Variants in PTDSS2 observed in about 807,000 individuals in gnomAD.
PTDSS2 encodes the protein phosphatidylserine synthase 2.
In PTDSS2, 41 loss-of-function variants were observed where a neutral mutation model predicts 64.7. The ratio of observed to expected loss-of-function variants is 0.63; its 90% CI spans 0.49 to 0.82. The LOEUF (loss-of-function observed/expected upper bound fraction) is 0.82, where lower values mean the gene tolerates loss of function less well. Among genes scored for constraint, PTDSS2 ranks in the 40% least tolerant of loss-of-function variants. The probability of loss-of-function intolerance (pLI) is 0.00; values close to 1 mark genes in which losing one functional copy is unlikely to be tolerated. For synonymous variants in PTDSS2, 297 were observed against 277.8 expected, an observed-to-expected ratio of 1.07 and a Z score of -0.69; for missense variants, 485 against 650.0, an observed-to-expected ratio of 0.75 and a Z score of 2.76.
At chr11:448,571 C>G (rs1846190591), upstream of PTDSS2, among the ~76,000 whole-genome samples, 2 of 152,186 alleles carry the variant, frequency 1.3e-5, no homozygotes, top group Admixed American at 6.5e-5. Context: ...TGGACGCGGC[C>G]AGGGCCTGGG....
At chr11:488,472 T>G in intron 7 of PTDSS2, 57 bp from the exon 8 acceptor site, 1 of 1,489,238 alleles carries the variant, frequency 6.7e-7, no homozygotes, top group Non-Finnish European at 9.4e-7. Context: ...TCCGGGGTCC[T>G]CCTCGGGGGG....
At chr11:468,837 G>A (rs1242182769) in intron 2 of PTDSS2, among the ~76,000 whole-genome samples, 3 of 148,960 alleles carry the variant, frequency 2.0e-5, no homozygotes, top group African/African-American at 5.0e-5. Context: ...GGTAATCGGA[G>A]GAGGGGAGTC....
intron 4 of PTDSS2, among the ~76,000 whole-genome samples, chr11:486,686 C>CA (rs1336033787): frequency 7.7e-4 from 114 of 148,548 alleles, no homozygotes; most frequent in Non-Finnish European, 1.3e-3. Flanking sequence ...ACTAAAAATA[C>CA]AAAAAAAAAA....
At chr11:475,160 C>T (rs970532881) in intron 3 of PTDSS2, among the ~76,000 whole-genome samples, 13 of 137,756 alleles carry the variant, frequency 9.4e-5, no homozygotes, top group Non-Finnish European at 1.3e-4. Context: ...GACATATTCA[C>T]GCGTTTGTGA....
intron 1 of PTDSS2, chr11:451,225 GC>G (rs913508696): frequency 8.0e-6 from 2 of 250,016 alleles, no homozygotes; most frequent in Non-Finnish European, 8.6e-6. Context: ...CGGGGCCAGC[GC>G]CTCCTCCCTG....
In PTDSS2 at chr11:489,716, C is replaced by T. The variant is rs11539815; in HGVS notation, c.1098C>T (p.Tyr366=). The T allele has an allele frequency of 2.1e-5, 33 of 1,608,606 alleles. No individual in the cohort carries two copies. Among genetic ancestry groups the T allele is most frequent in the African/African-American group, 2.7e-5 (2 of 74,830 alleles). ...NVGGVAMREI[Y]DFMDDPKPHK... is the part of the protein sequence containing the mutation. ...GTGGCGTGGCCATGCGTGAGATCTA[C>T]GACTTCATGGATGACCCGTGAGGGC... is the stretch of plus-strand genomic sequence containing the variant. The change falls in exon 10 of 12, where the codon TAC becomes TAT. Residue 366 remains tyrosine (Y), a synonymous_variant. Coordinates refer to ENST00000308020, the MANE Select transcript of PTDSS2 (RefSeq NM_030783.3).
At chr11:466,025 C>G (rs1287406476) in intron 2 of PTDSS2, among the ~76,000 whole-genome samples, 2 of 152,218 alleles carry the variant, frequency 1.3e-5, no homozygotes, top group East Asian at 3.9e-4. Flanking sequence ...TACAAAACAC[C>G]TATCTGATAA....
At position 461,627 on chromosome 11, in the gene PTDSS2, G is replaced by C. The variant is rs1846887356; in HGVS notation, c.284+1339G>C. On this transcript the variant is annotated intron_variant, in intron 2 of 11. Coordinates refer to ENST00000308020, the MANE Select transcript of PTDSS2 (RefSeq NM_030783.3). The surrounding 1 kb of genome is among the most constrained non-coding windows in gnomAD (Gnocchi z 4.2). ...TGTCATCCCTCTCCCAGTCAGCTTT[G>C]CTGGCCCTTCCCCCTTTTTCTGAGC... is the stretch of plus-strand genomic sequence containing the variant. Among the ~76,000 whole-genome samples, 1 of 152,122 alleles carries C rather than the reference G, an allele frequency of 6.6e-6. No individual in the cohort carries two copies. Among genetic ancestry groups the C allele is most frequent in the Admixed American group, 6.5e-5 (1 of 15,272 alleles).
At chr11:457,181 C>G (rs1846634822) in intron 1 of PTDSS2, among the ~76,000 whole-genome samples, 1 of 152,234 alleles carries the variant, frequency 6.6e-6, no homozygotes, top group Non-Finnish European at 1.5e-5. Context: ...TCCTGCAGCT[C>G]CACCCTGGCT....
chr11:456,508 G>A (rs561550295), intron 1 of PTDSS2, among the ~76,000 whole-genome samples: 19 of 152,032 alleles, frequency 1.2e-4, no homozygotes, highest in South Asian at 8.3e-4. Flanking sequence ...TATCCTAACC[G>A]GGGTCATCTT....
chr11:461,519 T>C lies in PTDSS2; in HGVS notation c.284+1231T>C, dbSNP rs934893444. Among the ~76,000 whole-genome samples, 1 of 152,158 alleles carries C rather than the reference T, an allele frequency of 6.6e-6. No homozygotes were observed. The highest frequency in any genetic ancestry group is 6.5e-5 in the Admixed American group (1 of 15,284). The stretch of plus-strand genomic sequence containing the variant: ...GATGAGCTCACCCTCCATCCTCACC[T>C]GGGAGGCGCAGGTGGCCTCTCCTGT... On this transcript the variant is annotated intron_variant, in intron 2 of 11. Transcript: ENST00000308020. The surrounding 1 kb of genome is among the most constrained non-coding windows in gnomAD (Gnocchi z 4.2).
chr11:487,170 A>G, intron 5 of PTDSS2, 97 bp downstream of exon 5: 2 of 1,195,090 alleles, frequency 1.7e-6, no homozygotes, highest in East Asian at 4.7e-5. Flanking sequence ...CCCTCAGCCC[A>G]CACTTGGGGT....
intron 1 of PTDSS2, among the ~76,000 whole-genome samples, chr11:451,914 C>A (rs1420183332): frequency 6.6e-6 from 1 of 152,164 alleles, no homozygotes; most frequent in Non-Finnish European, 1.5e-5. Context: ...GGCTGCGGGG[C>A]CCTCGGGAGG....
intron 2 of PTDSS2, among the ~76,000 whole-genome samples, chr11:472,593 C>T (rs755327783): frequency 5.4e-4 from 82 of 152,146 alleles, no homozygotes; most frequent in Non-Finnish European, 9.3e-4. Context: ...ACCCTTGTCC[C>T]GGCTGCACCA....
chr11:476,394 G>A lies in PTDSS2; in HGVS notation c.367+2417G>A, dbSNP rs140753406. Among the ~76,000 whole-genome samples, 2,535 of 152,264 alleles carry A rather than the reference G, an allele frequency of 0.017. 36 individuals are homozygous for A. Among genetic ancestry groups the A allele is most frequent in the Admixed American group, 0.046 (709 of 15,284 alleles). ...GCGCGGTGATGGTGAGAAACTTCCC[G>A]GCACACAGTGAAAAGCCTGGTGCAG... On this transcript the variant is annotated intron_variant, in intron 3 of 11. Coordinates refer to ENST00000308020, the MANE Select transcript of PTDSS2 (RefSeq NM_030783.3). This position sits in a 1 kb window ranked among gnomAD's most constrained non-coding sequence, Gnocchi z 4.9.
At chr11:451,174 C>A (rs775733941) in intron 1 of PTDSS2, among the ~76,000 whole-genome samples, 3 of 152,214 alleles carry the variant, frequency 2.0e-5, no homozygotes, top group Non-Finnish European at 2.9e-5. Flanking sequence ...AGTCGGTGTT[C>A]GTCGAATCCA....
At chr11:484,967 C>T (rs1227997710) in intron 4 of PTDSS2, among the ~76,000 whole-genome samples, 3 of 120,838 alleles carry the variant, frequency 2.5e-5, no homozygotes, top group Non-Finnish European at 4.9e-5. Context: ...TGTGCGCAGG[C>T]GAGCGTAAAC....
At position 490,811 on chromosome 11, in the gene PTDSS2, C is replaced by CGTGTGTACTT; in HGVS notation, c.*230_*231insTGTGTACTTG. 1.7e-6 allele frequency: 1 copy of CGTGTGTACTT among 582,022 alleles called. No individual in the cohort carries two copies. Among genetic ancestry groups the CGTGTGTACTT allele is most frequent in the Non-Finnish European group, 3.0e-6 (1 of 328,832 alleles). 36.1% of individuals were successfully genotyped at this position (582,022 alleles called of 1,614,324 possible). A position where few individuals can be genotyped will look rare whatever the true frequency, so the allele number is the denominator to read the frequency against. The stretch of plus-strand genomic sequence containing the variant: ...ATGCGTGTGTGTACGCGTGTGTACG[C>CGTGTGTACTT]GCGTGTGTACACATGCGTGGCCGCC... On this transcript the variant is annotated 3_prime_UTR_variant, in exon 12 of 12. Coordinates refer to ENST00000308020, the MANE Select transcript of PTDSS2 (RefSeq NM_030783.3).
intron 6 of PTDSS2, 35 bp from the exon 7 acceptor site, chr11:488,164 G>A (rs1172000558): frequency 1.3e-6 from 2 of 1,503,626 alleles, no homozygotes; most frequent in Admixed American, 3.4e-5. Context: ...GGTGTGGCCG[G>A]CGTCCCATAC....
Sources: gnomAD v4.1 joint callset for allele counts (sites outside exome capture counted in the v4.1 genomes callset) on GRCh38, gnomAD v4.1.1 for gene constraint, Gnocchi (gnomAD v3.1) non-coding constraint, MANE v1.5 for transcripts, NCBI Gene and HGNC (gene_info 2026-07-23, HGNC 2026-07-21) for gene names.